Variants in CLYBL observed in about 807,000 individuals in gnomAD.
CLYBL encodes the protein citramalyl-CoA lyase, mitochondrial.
Under a neutral mutation model 38.9 loss-of-function variants are expected in CLYBL, and 31 were observed. The ratio of observed to expected loss-of-function variants is 0.80; its 90% CI spans 0.60 to 1.08. CLYBL has a LOEUF of 1.08. Among genes scored for constraint, CLYBL ranks in the 50% least tolerant of loss-of-function variants. CLYBL has a pLI of 0.00. For missense variants in CLYBL, 434 were observed against 411.6 expected (o/e 1.05, Z -0.47); for synonymous variants, 171 against 158.6 (o/e 1.08, Z -0.59).
At chr13:99,763,658 G>A (rs982583708) in intron 1 of CLYBL, among the ~76,000 whole-genome samples, 4 of 149,996 alleles carry the variant, frequency 2.7e-5, no homozygotes, top group Admixed American at 2.0e-4. Context: ...GAGTTCAAGC[G>A]ATTCTCCTGC....
intron 1 of CLYBL, among the ~76,000 whole-genome samples, chr13:99,692,303 T>G (rs1353176080): frequency 2.0e-5 from 3 of 151,920 alleles, no homozygotes; most frequent in African/African-American, 7.3e-5. Context: ...TTTTTTTGTT[T>G]GTTTTTTTGA....
chr13:99,652,495 C>G (rs189852028), intron 1 of CLYBL, among the ~76,000 whole-genome samples: 29 of 152,098 alleles, frequency 1.9e-4, no homozygotes, highest in Admixed American at 6.5e-4. Flanking sequence ...ATCACTTGCA[C>G]TCAGGAGTTT....
chr13:99,870,266 G>C (rs532400624), intron 6 of CLYBL, among the ~76,000 whole-genome samples: 1 of 152,096 alleles, frequency 6.6e-6, no homozygotes, highest in African/African-American at 2.4e-5. Context: ...GTAATCTAAG[G>C]CTGCAGTGTT....
At chr13:99,631,567 C>T (rs1380499267) in intron 1 of CLYBL, among the ~76,000 whole-genome samples, 1 of 151,740 alleles carries the variant, frequency 6.6e-6, no homozygotes, top group Admixed American at 6.6e-5. Context: ...GTACTAATCC[C>T]CCTGTATTTT....
At chr13:99,672,656 G>T (rs948305124) in intron 1 of CLYBL, among the ~76,000 whole-genome samples, 2 of 151,514 alleles carry the variant, frequency 1.3e-5, no homozygotes, top group Non-Finnish European at 2.9e-5. Flanking sequence ...TGTGCCTATA[G>T]TCCCAGCTTC....
intron 1 of CLYBL, among the ~76,000 whole-genome samples, chr13:99,659,261 C>T (rs2047375557): frequency 1.3e-5 from 2 of 151,764 alleles, no homozygotes; most frequent in Admixed American, 6.6e-5. Flanking sequence ...TGTATTTCTC[C>T]TCTAACAAAC....
intron 1 of CLYBL, among the ~76,000 whole-genome samples, chr13:99,731,982 C>T (rs76466073): frequency 0.018 from 2,676 of 152,152 alleles, 35 homozygotes; most frequent in Admixed American, 0.023. Context: ...CATCCCTGCA[C>T]GAACGGTACC....
At chr13:99,631,191 G>C (rs1022762374) in intron 1 of CLYBL, among the ~76,000 whole-genome samples, 1 of 151,988 alleles carries the variant, frequency 6.6e-6, no homozygotes, top group African/African-American at 2.4e-5. Context: ...GCATGGTGGC[G>C]CATGCCTGTA....
chr13:99,786,939 G>T (rs1440862322), intron 2 of CLYBL, among the ~76,000 whole-genome samples: 1 of 151,976 alleles, frequency 6.6e-6, no homozygotes, highest in African/African-American at 2.4e-5. Context: ...GTTTTGATTT[G>T]CATTTCTCTG....
At chr13:99,874,272 G>A (rs541497208) in intron 7 of CLYBL, among the ~76,000 whole-genome samples, 2 of 152,160 alleles carry the variant, frequency 1.3e-5, no homozygotes, top group Non-Finnish European at 2.9e-5. Context: ...TAATCAAACT[G>A]ACTTTCTTCC....
rs1024239979 is a variant in CLYBL, at chr13:99,880,025, A to T, written c.927+8963A>T. ...AACTGCTTCCATTTATATATATATAAAACATATTCCATATATGTGTGTATG... is the reference window on the plus strand; with the variant it reads ...AACTGCTTCCATTTATATATATATATAACATATTCCATATATGTGTGTATG... On this transcript the variant is annotated intron_variant, in intron 7 of 8. Transcript: ENST00000339105. Among the ~76,000 whole-genome samples the T allele has an allele frequency of 9.4e-5, 14 of 148,312 alleles. No individual in the cohort carries two copies. In the East Asian group the frequency reaches 2.1e-3, roughly 23 times the overall value.
chr13:99,800,103 A>G (rs1348363247), intron 2 of CLYBL, among the ~76,000 whole-genome samples: 1 of 152,144 alleles, frequency 6.6e-6, no homozygotes, highest in Non-Finnish European at 1.5e-5. Context: ...TCCTCCCCTC[A>G]CTGGCATCTA....
chr13:99,798,728 C>G (rs140834298), intron 2 of CLYBL, among the ~76,000 whole-genome samples: 5 of 152,118 alleles, frequency 3.3e-5, no homozygotes, highest in Non-Finnish European at 7.4e-5. Flanking sequence ...TGAACAGTTA[C>G]GTTTTATAAC....
intron 2 of CLYBL, among the ~76,000 whole-genome samples, chr13:99,795,941 A>G (rs945017633): frequency 2.0e-5 from 3 of 152,186 alleles, no homozygotes; most frequent in Non-Finnish European, 4.4e-5. Context: ...TCTGCAGGGC[A>G]TGGGGCAGGG....
chr13:99,793,595 AC>A (rs1194835944), intron 2 of CLYBL, among the ~76,000 whole-genome samples: 7 of 152,186 alleles, frequency 4.6e-5, no homozygotes, highest in African/African-American at 1.7e-4. Flanking sequence ...ATAAAAAACA[AC>A]AAAAAATTTT....
At chr13:99,662,110 C>T (rs2047417272) in intron 1 of CLYBL, among the ~76,000 whole-genome samples, 1 of 152,226 alleles carries the variant, frequency 6.6e-6, no homozygotes, top group Non-Finnish European at 1.5e-5. Flanking sequence ...CCTTGGCTCC[C>T]TGACCTTTCC....
intron 2 of CLYBL, among the ~76,000 whole-genome samples, chr13:99,810,566 A>G (rs2050321511): frequency 6.6e-6 from 1 of 152,192 alleles, no homozygotes; most frequent in Non-Finnish European, 1.5e-5. Context: ...GGATGAGCCT[A>G]GAGAGGAAGG....
intron 7 of CLYBL, among the ~76,000 whole-genome samples, chr13:99,890,820 C>T (rs2152131828): frequency 6.6e-6 from 1 of 152,240 alleles, no homozygotes; most frequent in African/African-American, 2.4e-5. Context: ...AGACTCATCT[C>T]TTTGTACCCT....
rs939227575 is a variant in CLYBL, at chr13:99,869,533, A to G, written c.803-1405A>G. ...GGTAATTTAAGGAATCTTTACTTAT[A>G]TAAGTGTTTAACATTTTATTAGTAT... On this transcript the variant is annotated intron_variant, in intron 6 of 8. Coordinates refer to ENST00000339105, the MANE Select transcript of CLYBL (RefSeq NM_206808.5). The surrounding 1 kb of genome is among the most constrained non-coding windows in gnomAD (Gnocchi z 4.3). Among the ~76,000 whole-genome samples the G allele has an allele frequency of 1.3e-5, 2 of 152,184 alleles. No homozygotes were observed.
Sources: allele counts gnomAD v4.1 joint callset (sites outside exome capture counted in the v4.1 genomes callset), GRCh38; gene constraint gnomAD v4.1.1; non-coding constraint Gnocchi (gnomAD v3.1); transcripts MANE v1.5; gene names NCBI Gene and HGNC (gene_info 2026-07-23, HGNC 2026-07-21).